The following CTDSPL variants were observed in gnomAD, a reference collection of about 807,000 sequenced individuals.
The protein encoded by CTDSPL is CTD small phosphatase-like protein.
CTDSPL carries 8 observed loss-of-function variants against 30.5 expected under a neutral mutation model. The observed-to-expected ratio is 0.26, with a 90% CI of 0.15 to 0.47. CTDSPL has a LOEUF of 0.47. Ranked by LOEUF, CTDSPL falls within the 20% of genes least tolerant of loss-of-function variation. The pLI is 0.99. For synonymous variants in CTDSPL, 110 were observed against 137.9 expected (o/e 0.80, Z 1.42); for missense variants, 248 against 366.1 (o/e 0.68, Z 2.63).
intron 1 of CTDSPL, among the ~76,000 whole-genome samples, chr3:37,900,061 A>G (rs1698431763): frequency 6.6e-6 from 1 of 152,164 alleles, no homozygotes; most frequent in South Asian, 2.1e-4. Flanking sequence ...CTTTAATCAC[A>G]ATGAAATATT....
intron 1 of CTDSPL, among the ~76,000 whole-genome samples, chr3:37,920,807 T>C (rs1406268171): frequency 6.6e-6 from 1 of 151,730 alleles, no homozygotes; most frequent in African/African-American, 2.4e-5. Flanking sequence ...ACTTGCTGTA[T>C]AGCATGAGGC....
chr3:37,956,324 G>T (rs531765143), intron 2 of CTDSPL, among the ~76,000 whole-genome samples: 7 of 152,316 alleles, frequency 4.6e-5, no homozygotes, highest in African/African-American at 1.4e-4. Flanking sequence ...AAATCCTTCA[G>T]TGTACAAGGC....
At chr3:37,952,447 G>A (rs534585573) in intron 2 of CTDSPL, among the ~76,000 whole-genome samples, 12 of 152,258 alleles carry the variant, frequency 7.9e-5, no homozygotes, top group African/African-American at 2.2e-4. Flanking sequence ...TCTCAAAGTC[G>A]CAAGCTTCAG....
intron 3 of CTDSPL, among the ~76,000 whole-genome samples, chr3:37,960,505 A>AAAT (rs1553686722): frequency 2.6e-5 from 1 of 38,516 alleles, no homozygotes; most frequent in Non-Finnish European, 4.4e-5. Flanking sequence ...AAAAAAAAAA[A>AAAT]ATATATATAT....
intron 5 of CTDSPL, 94 bp downstream of exon 5, chr3:37,967,976 A>T (rs887547701): frequency 1.1e-6 from 1 of 869,846 alleles, no homozygotes; most frequent in African/African-American, 1.7e-5. Flanking sequence ...TTTCAGTAAT[A>T]ACTTTATTAC....
chr3:37,898,249 C>A (rs1335378710), intron 1 of CTDSPL, among the ~76,000 whole-genome samples: 1 of 152,110 alleles, frequency 6.6e-6, no homozygotes, highest in Non-Finnish European at 1.5e-5. Context: ...ACCCCTAGGC[C>A]CAGGCCCCAG....
intron 1 of CTDSPL, among the ~76,000 whole-genome samples, chr3:37,878,212 A>ATTTTTTTTTTTTTTTT: frequency 6.6e-6 from 1 of 151,872 alleles, no homozygotes. Flanking sequence ...CCAGTTTATC[A>ATTTTTTTTTTTTTTTT]TTTTTTTTCT....
At chr3:37,960,497 AAAAAAAAAATAT>A (rs56674774) in intron 3 of CTDSPL, among the ~76,000 whole-genome samples, 6 of 66,902 alleles carry the variant, frequency 9.0e-5, no homozygotes, top group East Asian at 3.4e-4. Context: ...AAAAAAAAAA[AAAAAAAAAATAT>A]ATATATATAT....
chr3:37,908,316 G>T (rs572839767), intron 1 of CTDSPL, among the ~76,000 whole-genome samples: 5 of 152,336 alleles, frequency 3.3e-5, no homozygotes, highest in Non-Finnish European at 4.4e-5. Context: ...GGAAGGTATG[G>T]CAAATGCATG....
chr3:37,929,622 A>G lies in CTDSPL; in HGVS notation c.80-17435A>G, dbSNP rs967512088. Among the ~76,000 whole-genome samples the G allele has an allele frequency of 5.9e-5, 9 of 152,232 alleles. No individual in the cohort carries two copies. In the South Asian group the frequency reaches 6.2e-4, roughly 11 times the overall value. On this transcript the variant is annotated intron_variant, in intron 1 of 7. Coordinates refer to ENST00000273179, the MANE Select transcript of CTDSPL (RefSeq NM_001008392.2). ...GTATAGAAGCAGATCTGTCTTTTGC[A>G]TGTTGATTTTTGTCTTGCAACTTGG...
rs1348831025 is a variant in CTDSPL at position 37,982,085 on chromosome 3, C to T, written c.*1218C>T. 1 of 342,082 alleles carries T rather than the reference C, an allele frequency of 2.9e-6. No homozygotes were observed. The highest frequency in any genetic ancestry group is 7.8e-5 in the East Asian group (1 of 12,874). The allele number at this position is 342,082 out of a possible 1,614,324, so 21.2% of individuals were successfully genotyped here. On this transcript the variant is annotated 3_prime_UTR_variant, in exon 8 of 8. Coordinates refer to ENST00000273179, the MANE Select transcript of CTDSPL (RefSeq NM_001008392.2). ...GGACCACAGCACCACTTAGGTGTAG[C>T]ATGGATTTTAAACTGCAGTCAGTAT...
chr3:37,868,706 G>A (rs896480531), intron 1 of CTDSPL, among the ~76,000 whole-genome samples: 14 of 151,946 alleles, frequency 9.2e-5, no homozygotes, highest in South Asian at 2.1e-4. Flanking sequence ...TCAAAAATTA[G>A]TTGGGCATAT....
intron 1 of CTDSPL, among the ~76,000 whole-genome samples, chr3:37,926,309 G>T (rs1339802745): frequency 6.6e-6 from 1 of 152,222 alleles, no homozygotes; most frequent in African/African-American, 2.4e-5. Context: ...GAGGGCAACA[G>T]CTAAGGTAGA....
chr3:37,919,665 A>C (rs1429075084), intron 1 of CTDSPL, among the ~76,000 whole-genome samples: 1 of 152,218 alleles, frequency 6.6e-6, no homozygotes, highest in African/African-American at 2.4e-5. Flanking sequence ...GTTAGCGGGA[A>C]GAAGCCTACA....
At chr3:37,964,418 A>T (rs1342243593) in intron 3 of CTDSPL, among the ~76,000 whole-genome samples, 153 bp from the exon 4 acceptor site, 1 of 152,250 alleles carries the variant, frequency 6.6e-6, no homozygotes, top group African/African-American at 2.4e-5. Context: ...GTATTTGATA[A>T]AACTTTAGTT....
At position 37,883,772 on chromosome 3, in the gene CTDSPL, A is replaced by G. The variant is rs539397325; in HGVS notation, c.79+21494A>G. Among the ~76,000 whole-genome samples the G allele has an allele frequency of 3.3e-4, 50 of 152,312 alleles. No homozygotes were observed. The Middle Eastern group carries it at 0.014, about 41-fold the overall frequency. The stretch of plus-strand genomic sequence containing the variant: ...TAGATTTAATTTACTTAATAGATAC[A>G]TGATTGTTCAGATCTTCTCTTTCTT... On this transcript the variant is annotated intron_variant, in intron 1 of 7. Transcript: ENST00000273179.
chr3:37,949,275 A>C (rs953417762), intron 2 of CTDSPL, among the ~76,000 whole-genome samples: 5 of 152,240 alleles, frequency 3.3e-5, no homozygotes, highest in African/African-American at 1.2e-4. Flanking sequence ...ATATCATCTT[A>C]AAGCCTTAAA....
chr3:37,956,588 G>T (rs1207415883), intron 2 of CTDSPL, among the ~76,000 whole-genome samples: 1 of 152,110 alleles, frequency 6.6e-6, no homozygotes. Context: ...CCCCTTGTCT[G>T]TTGCCTGGGA....
At chr3:37,897,449 T>A (rs546988806) in intron 1 of CTDSPL, among the ~76,000 whole-genome samples, 183 of 152,308 alleles carry the variant, frequency 1.2e-3, no homozygotes, top group African/African-American at 4.2e-3. Context: ...ATTCTGCTAA[T>A]TTCCAAATGC....
Sources: gnomAD v4.1 joint callset for allele counts (sites outside exome capture counted in the v4.1 genomes callset) on GRCh38, gnomAD v4.1.1 for gene constraint, MANE v1.5 for transcripts, NCBI Gene and HGNC (gene_info 2026-07-23, HGNC 2026-07-21) for gene names.